The following PEX5L variants were observed in gnomAD, a reference collection of about 807,000 sequenced individuals.
PEX5L encodes the protein peroxisomal biogenesis factor 5 like, also known as PEX5-related protein.
PEX5L carries 30 observed loss-of-function variants against 84.0 expected under a neutral mutation model. The ratio of observed to expected loss-of-function variants is 0.36; its 90% CI spans 0.27 to 0.48. The LOEUF is 0.48. Ranked by LOEUF, PEX5L falls within the 20% of genes least tolerant of loss-of-function variation. The pLI is 0.99. For missense variants in PEX5L, 533 were observed against 754.6 expected (o/e 0.71, Z 3.44); for synonymous variants, 270 against 283.1 (o/e 0.95, Z 0.46).
chr3:179,942,613 C>T (rs1216952527), intron 2 of PEX5L, among the ~76,000 whole-genome samples: 2 of 152,224 alleles, frequency 1.3e-5, no homozygotes, highest in Admixed American at 6.5e-5. Flanking sequence ...GCGCATGAGA[C>T]GGATGGTTTC....
At position 179,900,834 on chromosome 3, in the gene PEX5L, G is replaced by GT. The variant is rs1761058973; in HGVS notation, c.94-2589dup. On this transcript the variant is annotated intron_variant, in intron 2 of 14. Transcript: ENST00000467460. The stretch of plus-strand genomic sequence containing the variant: ...GCGATAATACCCCATGAGCGTCACT[G>GT]TTTTACAAGTGCGGTACAGTCTGAG... 12 of 733,056 alleles carry GT rather than the reference G, an allele frequency of 1.6e-5. No individual in the cohort carries two copies. In the South Asian group the frequency reaches 1.9e-4, roughly 12 times the overall value. The allele number at this position is 733,056 out of a possible 1,614,324, so 45.4% of individuals were successfully genotyped here.
chr3:180,013,186 T>A (rs1398790920), intron 1 of PEX5L, among the ~76,000 whole-genome samples: 1 of 152,198 alleles, frequency 6.6e-6, no homozygotes, highest in African/African-American at 2.4e-5. Flanking sequence ...AAACAATTGG[T>A]TCTTAATAAT....
At chr3:179,820,148 G>A (rs113335045) in intron 8 of PEX5L, 172 bp from the exon 9 acceptor site, 5 of 781,398 alleles carry the variant, frequency 6.4e-6, no homozygotes, top group African/African-American at 5.2e-5. Flanking sequence ...ACTGGTCAGA[G>A]TGTTGAAGTG....
chr3:179,814,199 C>A (rs1375758992), intron 10 of PEX5L, among the ~76,000 whole-genome samples: 1 of 152,100 alleles, frequency 6.6e-6, no homozygotes, highest in Non-Finnish European at 1.5e-5. Flanking sequence ...GCCTTTTGAA[C>A]AAGATATTAC....
intron 1 of PEX5L, among the ~76,000 whole-genome samples, chr3:180,022,757 C>T (rs1790531164): frequency 6.6e-6 from 1 of 152,140 alleles, no homozygotes; most frequent in Non-Finnish European, 1.5e-5. Flanking sequence ...TTCTGGCCTT[C>T]TGGGCATTTC....
chr3:179,915,218 T>G (rs1353392513), intron 2 of PEX5L, among the ~76,000 whole-genome samples: 1 of 152,202 alleles, frequency 6.6e-6, no homozygotes, highest in African/African-American at 2.4e-5. Flanking sequence ...AACTTTGATA[T>G]AGCAGAAGCA....
chr3:179,999,909 G>A (rs1428216889), intron 1 of PEX5L, among the ~76,000 whole-genome samples: 1 of 152,110 alleles, frequency 6.6e-6, no homozygotes, highest in Admixed American at 6.6e-5. Context: ...CAATTACAAC[G>A]CCAACTAGGT....
intron 10 of PEX5L, 125 bp from the exon 11 acceptor site, chr3:179,811,996 T>C (rs1019230263): frequency 8.3e-6 from 6 of 725,226 alleles, no homozygotes; most frequent in South Asian, 3.1e-5. Context: ...GAGCGCTATA[T>C]AAAAGGGAAA....
intron 7 of PEX5L, among the ~76,000 whole-genome samples, chr3:179,866,424 T>C (rs1279010370): frequency 2.6e-5 from 4 of 152,174 alleles, no homozygotes; most frequent in African/African-American, 9.7e-5. Flanking sequence ...CCTGGTGACC[T>C]TGGACAAATT....
intron 14 of PEX5L, among the ~76,000 whole-genome samples, chr3:179,805,607 A>G (rs1325932935): frequency 6.6e-6 from 1 of 152,222 alleles, no homozygotes; most frequent in African/African-American, 2.4e-5. Flanking sequence ...TGAGGAACCC[A>G]TGGATATGGT....
chr3:180,017,605 C>T (rs1047467128), intron 1 of PEX5L, among the ~76,000 whole-genome samples: 4 of 151,870 alleles, frequency 2.6e-5, no homozygotes, highest in Non-Finnish European at 5.9e-5. Context: ...TTTTCAAATA[C>T]CCATTTTCCA....
intron 2 of PEX5L, among the ~76,000 whole-genome samples, chr3:179,916,466 T>C (rs1368364833): frequency 6.6e-6 from 1 of 152,186 alleles, no homozygotes; most frequent in East Asian, 1.9e-4. Context: ...GTACTTACCA[T>C]GAATGAAACT....
chr3:180,032,414 C>A (rs1044080990), intron 1 of PEX5L, among the ~76,000 whole-genome samples: 6 of 152,200 alleles, frequency 3.9e-5, no homozygotes, highest in Non-Finnish European at 7.3e-5. Flanking sequence ...GAAAATGCCA[C>A]CCCCGTTCCA....
chr3:180,026,611 G>C (rs1408307027), intron 1 of PEX5L, among the ~76,000 whole-genome samples: 2 of 152,138 alleles, frequency 1.3e-5, no homozygotes, highest in African/African-American at 2.4e-5. Context: ...ATCAATGATA[G>C]AGGAACCATT....
At chr3:179,820,479 G>A (rs1033963968) in intron 8 of PEX5L, 5 of 153,146 alleles carry the variant, frequency 3.3e-5, no homozygotes, top group African/African-American at 1.2e-4. Flanking sequence ...CCAAAGCTAG[G>A]ACTCACAGGA....
At chr3:179,940,412 G>A (rs750142106) in intron 2 of PEX5L, among the ~76,000 whole-genome samples, 2 of 152,122 alleles carry the variant, frequency 1.3e-5, no homozygotes, top group East Asian at 1.9e-4. Flanking sequence ...ATGTGGAGAC[G>A]TTTAATGAGA....
rs184975175 is a variant in PEX5L at position 179,986,496 on chromosome 3, G to A, written c.22-14831C>T. ...CGGCTCACCGCAAGCTCCGCCTCCC[G>A]GGTTCACGCCATTCTCCTGCCTCAG... is the stretch of plus-strand genomic sequence containing the variant. On this transcript the variant is annotated intron_variant, in intron 1 of 14. Coordinates refer to ENST00000467460, the MANE Select transcript of PEX5L (RefSeq NM_016559.3). Among the ~76,000 whole-genome samples, 441 of 149,110 alleles carry A rather than the reference G, an allele frequency of 3.0e-3. 2 individuals carry two copies. Among genetic ancestry groups the A allele is most frequent in the African/African-American group, 0.01 (419 of 40,712 alleles).
intron 7 of PEX5L, among the ~76,000 whole-genome samples, chr3:179,863,900 C>T (rs1210987138): frequency 6.6e-6 from 1 of 152,032 alleles, no homozygotes. Context: ...GTGGGAGGGA[C>T]CTGGTGGGAG....
Position 180,027,545 on chromosome 3 carries a change from AC to A in PEX5L, c.21+9033del, listed in dbSNP as rs147611341. Among the ~76,000 whole-genome samples, 1,316 of 152,272 alleles carry A rather than the reference AC, an allele frequency of 8.6e-3. 12 individuals carry two copies. The highest frequency in any genetic ancestry group is 0.017 in the Middle Eastern group (5 of 294). ...ATACACATAAGATTATTAAATATAC[AC>A]ACCATGCTTTTTATCACTTCATACA... On this transcript the variant is annotated intron_variant, in intron 1 of 14. Coordinates refer to ENST00000467460, the MANE Select transcript of PEX5L (RefSeq NM_016559.3).
Sources: allele counts gnomAD v4.1 joint callset (sites outside exome capture counted in the v4.1 genomes callset), GRCh38; gene constraint gnomAD v4.1.1; transcripts MANE v1.5; gene names NCBI Gene and HGNC (gene_info 2026-07-23, HGNC 2026-07-21).